RXRA: variants seen among roughly 807,000 people sequenced by gnomAD.
The protein encoded by RXRA is retinoid X receptor alpha.
RXRA carries 5 observed loss-of-function variants against 44.5 expected under a neutral mutation model. The observed-to-expected ratio is 0.11, with a 90% CI of 0.06 to 0.24. The LOEUF is 0.24. RXRA is among the 10% of genes least tolerant of loss of function. RXRA has a pLI of 1.00. For missense variants in RXRA, 412 were observed against 646.5 expected (o/e 0.64, Z 3.93); for synonymous variants, 291 against 271.4 (o/e 1.07, Z -0.71).
Position 134,401,684 on chromosome 9 carries a change from C to T in RXRA, c.81C>T (p.Ser27=). Residue 27 remains serine, a synonymous_variant, in exon 2 of 10, where the codon TCC becomes TCT. Coordinates refer to ENST00000481739, the MANE Select transcript of RXRA (RefSeq NM_002957.6). ...TCACCTCCCCGACGGGGCGAGGCTCCATGGCTGCCCCCTCGCTGCACCCGT... is the reference window on the plus strand; with the variant it reads ...TCACCTCCCCGACGGGGCGAGGCTCTATGGCTGCCCCCTCGCTGCACCCGT... The part of the protein sequence containing the change: ...SSLTSPTGRG[S]MAAPSLHPSL... The T allele has an allele frequency of 6.2e-7, 1 of 1,613,148 alleles. No individual in the cohort carries two copies. Among genetic ancestry groups the T allele is most frequent in the Non-Finnish European group, 8.5e-7 (1 of 1,179,984 alleles).
At chr9:134,414,393 G>A (rs947484070) in intron 4 of RXRA, among the ~76,000 whole-genome samples, 2 of 152,358 alleles carry the variant, frequency 1.3e-5, no homozygotes, top group Middle Eastern at 3.4e-3. Flanking sequence ...GGGAGGCTCC[G>A]GTGACAGCTC....
intron 1 of RXRA, among the ~76,000 whole-genome samples, chr9:134,368,385 C>T (rs540565766): frequency 2.0e-5 from 3 of 152,362 alleles, no homozygotes; most frequent in African/African-American, 7.2e-5. Context: ...GCTGGATAGC[C>T]CCTGCCATGG....
intron 1 of RXRA, among the ~76,000 whole-genome samples, chr9:134,376,214 G>C (rs1830554728): frequency 6.6e-6 from 1 of 152,130 alleles, no homozygotes; most frequent in Admixed American, 6.5e-5. Flanking sequence ...GGCCCAGAGG[G>C]GCACCCTCAG....
intron 1 of RXRA, among the ~76,000 whole-genome samples, chr9:134,383,800 T>C (rs1010732687): frequency 2.6e-5 from 4 of 152,248 alleles, no homozygotes; most frequent in Admixed American, 1.3e-4. Context: ...AACCGTCCCA[T>C]GCCCTTGTCC....
At chr9:134,327,981 C>T (rs1276246131) in intron 1 of RXRA, among the ~76,000 whole-genome samples, 1 of 152,170 alleles carries the variant, frequency 6.6e-6, no homozygotes, top group Non-Finnish European at 1.5e-5. Context: ...GATGAGAAAA[C>T]TGGCTGGGAG....
intron 1 of RXRA, among the ~76,000 whole-genome samples, chr9:134,387,446 C>T (rs1024950351): frequency 6.6e-6 from 1 of 152,254 alleles, no homozygotes; most frequent in African/African-American, 2.4e-5. Flanking sequence ...GGCCAGGGTG[C>T]AAGCCTGGAC....
rs557213150 is a variant in RXRA, at chr9:134,370,243, C to T, written c.29-31389C>T. Among the ~76,000 whole-genome samples, 36 of 152,304 alleles carry T rather than the reference C, an allele frequency of 2.4e-4. 1 individual carries two copies. Among genetic ancestry groups the T allele is most frequent in the African/African-American group, 5.3e-4 (22 of 41,556 alleles). On this transcript the variant is annotated intron_variant, in intron 1 of 9. Coordinates refer to ENST00000481739, the MANE Select transcript of RXRA (RefSeq NM_002957.6). Reference sequence around the variant, plus strand: ...TCTGCATGGGACGTGGGGGAGCACACGCTCTGAGCTTGAGCACTGGCTCCG... The same window carrying T: ...TCTGCATGGGACGTGGGGGAGCACATGCTCTGAGCTTGAGCACTGGCTCCG...
At chr9:134,387,749 G>A (rs983021991) in intron 1 of RXRA, among the ~76,000 whole-genome samples, 2 of 152,230 alleles carry the variant, frequency 1.3e-5, no homozygotes, top group Admixed American at 6.5e-5. Flanking sequence ...CACTTGTCCC[G>A]GCGCCAGCCC....
intron 1 of RXRA, among the ~76,000 whole-genome samples, chr9:134,360,905 G>T (rs975588604): frequency 6.6e-6 from 1 of 152,244 alleles, no homozygotes; most frequent in Non-Finnish European, 1.5e-5. Context: ...CTCTGAGCCC[G>T]ATGCAGGGCG....
At chr9:134,364,421 G>T (rs1006876044) in intron 1 of RXRA, among the ~76,000 whole-genome samples, 1 of 152,214 alleles carries the variant, frequency 6.6e-6, no homozygotes, top group Admixed American at 6.5e-5. Flanking sequence ...GCCTAGGGTC[G>T]GTGTCTTTGG....
chr9:134,356,603 T>C (rs577392711), intron 1 of RXRA, among the ~76,000 whole-genome samples: 2 of 152,334 alleles, frequency 1.3e-5, no homozygotes, highest in African/African-American at 4.8e-5. Context: ...GTGTGTCTTA[T>C]CACCAAGAGA....
intron 5 of RXRA, among the ~76,000 whole-genome samples, chr9:134,419,679 A>G (rs35673519): frequency 0.022 from 3,291 of 152,280 alleles, 62 homozygotes; most frequent in Admixed American, 0.048. Context: ...TCACACGCCT[A>G]CTGTTACATG....
rs530794458 is a variant in RXRA, at chr9:134,379,892, A to G, written c.29-21740A>G. On this transcript the variant is annotated intron_variant, in intron 1 of 9. Coordinates refer to ENST00000481739, the MANE Select transcript of RXRA (RefSeq NM_002957.6). ...TGGCGGCTCCAGCCCCCTCTCCAGT[A>G]TGGCAGAGCCTGGAGGCCTGCTGGT... The G allele has an allele frequency of 4.8e-5, 47 of 985,256 alleles. No homozygotes were observed. The African/African-American group carries it at 8.0e-4, about 17-fold the overall frequency. 61.0% of individuals were successfully genotyped at this position (985,256 alleles called of 1,614,324 possible). A position where few individuals can be genotyped will look rare whatever the true frequency, so the allele number is the denominator to read the frequency against.
intron 2 of RXRA, 40 bp downstream of exon 2, chr9:134,401,922 G>C (rs769375973): frequency 1.4e-6 from 2 of 1,476,450 alleles, no homozygotes; most frequent in African/African-American, 2.8e-5. Flanking sequence ...GGTGGGGCCT[G>C]GGGTGGGGCT....
chr9:134,377,607 C>G (rs1375379724), intron 1 of RXRA, among the ~76,000 whole-genome samples: 1 of 152,228 alleles, frequency 6.6e-6, no homozygotes, highest in Non-Finnish European at 1.5e-5. Flanking sequence ...TTCCCAACTT[C>G]CCTCTCCGGG....
intron 1 of RXRA, among the ~76,000 whole-genome samples, chr9:134,337,703 C>T (rs763880763): frequency 1.4e-4 from 21 of 152,234 alleles, no homozygotes; most frequent in Non-Finnish European, 2.4e-4. Flanking sequence ...GCCAATGTCT[C>T]GTCCTCACAC....
chr9:134,379,186 C>T lies in RXRA; in HGVS notation c.29-22446C>T, dbSNP rs1233575723. ...CAGCAGGACCCGGAATTATGCTGTT[C>T]TCGGTTGGACCTGCTTGTCCGTGCT... On this transcript the variant is annotated intron_variant, in intron 1 of 9. Coordinates refer to ENST00000481739, the MANE Select transcript of RXRA (RefSeq NM_002957.6). 3.7e-6 allele frequency: 3 copies of T among 804,298 alleles called. No homozygotes were observed. In the African/African-American group the frequency reaches 5.6e-5, roughly 15 times the overall value. The allele number at this position is 804,298 out of a possible 1,614,324, so 49.8% of individuals were successfully genotyped here.
intron 6 of RXRA, chr9:134,424,254 C>G: frequency 1.0e-6 from 1 of 985,404 alleles, no homozygotes. Context: ...GCCCAGAGCC[C>G]TGGTGCCATG....
chr9:134,329,784 A>G (rs1375450914), intron 1 of RXRA, among the ~76,000 whole-genome samples: 2 of 151,970 alleles, frequency 1.3e-5, no homozygotes, highest in Non-Finnish European at 2.9e-5. Flanking sequence ...CCCCTGCCCC[A>G]TCTCCCCCGT....
Sources: gnomAD v4.1 joint callset for allele counts (sites outside exome capture counted in the v4.1 genomes callset) on GRCh38, gnomAD v4.1.1 for gene constraint, MANE v1.5 for transcripts, NCBI Gene and HGNC (gene_info 2026-07-23, HGNC 2026-07-21) for gene names.